The following NUDT3 variants were observed in gnomAD, a reference collection of about 807,000 sequenced individuals.
NUDT3 encodes nudix hydrolase 3.
A neutral mutation model predicts 23.6 loss-of-function variants in NUDT3; 9 were observed. The ratio of observed to expected loss-of-function variants is 0.38; its 90% CI spans 0.23 to 0.66. NUDT3 has a LOEUF of 0.66. Ranked by LOEUF, NUDT3 falls within the 30% of genes least tolerant of loss-of-function variation. The pLI is 0.52. For missense variants in NUDT3, 172 were observed against 218.5 expected (o/e 0.79, Z 1.34); for synonymous variants, 86 against 82.6 (o/e 1.04, Z -0.22).
rs986375483 is a variant in NUDT3, at chr6:34,371,967, C to G, written c.99+20297G>C. On this transcript the variant is annotated intron_variant, in intron 1 of 4. Coordinates refer to ENST00000607016, the MANE Select transcript of NUDT3 (RefSeq NM_006703.4). The stretch of plus-strand genomic sequence containing the variant: ...GTCCAAGTGTTCTTATTGTTCAATT[C>G]CCACCTATAAGTGAGAACACGCAGT... Among the ~76,000 whole-genome samples the G allele has an allele frequency of 3.3e-5, 5 of 152,168 alleles. No individual in the cohort carries two copies. In the South Asian group the frequency reaches 1.0e-3, roughly 32 times the overall value.
At position 34,288,812 on chromosome 6, in the gene NUDT3, G is replaced by T. The variant is rs1027840233; in HGVS notation, c.460C>A (p.Pro154Thr). The change falls in exon 5 of 5, where the codon CCA (proline) becomes ACA (threonine). Residue 154 changes from proline to threonine, a missense_variant. Transcript: ENST00000607016. ...RQGYSANNGT[P>T]VVATTYSVSA... is the part of the protein sequence containing the mutation. ...ACCGAGTATGTGGTGGCCACGACTG[G>T]GGTGCCATTGTTGGCTGAGTAGCCT... 3.1e-6 allele frequency: 5 copies of T among 1,613,914 alleles called. No individual in the cohort carries two copies. In the African/African-American group the frequency reaches 6.7e-5, roughly 22 times the overall value.
chr6:34,375,596 TG>T (rs1443802077), intron 1 of NUDT3, among the ~76,000 whole-genome samples: 2 of 152,210 alleles, frequency 1.3e-5, no homozygotes, highest in Non-Finnish European at 2.9e-5. Flanking sequence ...GTATATTGAT[TG>T]GAAGAGTAAA....
intron 1 of NUDT3, 106 bp downstream of exon 1, chr6:34,392,158 G>A: frequency 4.0e-6 from 3 of 747,050 alleles, no homozygotes; most frequent in South Asian, 1.9e-5. Flanking sequence ...TTCCGCCCGA[G>A]CGGGGCGGCC....
At chr6:34,305,006 A>G (rs147219441) in intron 2 of NUDT3, among the ~76,000 whole-genome samples, 12,288 of 114,706 alleles carry the variant, frequency 0.11, 707 homozygotes, top group Middle Eastern at 0.15. Context: ...TTTTTGAGAC[A>G]GAGTCTTGCT....
intron 1 of NUDT3, among the ~76,000 whole-genome samples, chr6:34,358,344 A>G (rs537804232): frequency 1.3e-5 from 2 of 152,206 alleles, no homozygotes; most frequent in South Asian, 4.1e-4. Flanking sequence ...AATTTACAAT[A>G]ATCGACAGGA....
intron 2 of NUDT3, among the ~76,000 whole-genome samples, chr6:34,316,815 C>A (rs540681737): frequency 6.6e-6 from 1 of 152,114 alleles, no homozygotes; most frequent in Non-Finnish European, 1.5e-5. Flanking sequence ...CAGAGGGAGA[C>A]AGATCATAGG....
At chr6:34,305,570 G>T (rs1056755083) in intron 2 of NUDT3, among the ~76,000 whole-genome samples, 2 of 151,888 alleles carry the variant, frequency 1.3e-5, no homozygotes, top group African/African-American at 4.8e-5. Context: ...TGTTATTTCT[G>T]TCCCTTTACT....
intron 1 of NUDT3, among the ~76,000 whole-genome samples, chr6:34,370,407 C>T (rs1202025267): frequency 6.6e-6 from 1 of 152,210 alleles, no homozygotes; most frequent in African/African-American, 2.4e-5. Flanking sequence ...GATACAACTT[C>T]AGCGTTCAAG....
chr6:34,308,595 G>C (rs1763721082), intron 2 of NUDT3, among the ~76,000 whole-genome samples: 1 of 152,028 alleles, frequency 6.6e-6, no homozygotes, highest in Non-Finnish European at 1.5e-5. Flanking sequence ...AAGGGATGGA[G>C]AGTGATACAT....
At chr6:34,324,846 G>A (rs1200327540) in intron 2 of NUDT3, among the ~76,000 whole-genome samples, 1 of 151,262 alleles carries the variant, frequency 6.6e-6, no homozygotes, top group Non-Finnish European at 1.5e-5. Flanking sequence ...TCAGAGCAGA[G>A]ACGCTTCTCT....
intron 2 of NUDT3, among the ~76,000 whole-genome samples, chr6:34,320,010 T>C (rs990443893): frequency 2.0e-5 from 3 of 152,130 alleles, no homozygotes; most frequent in African/African-American, 7.2e-5. Flanking sequence ...TATATATGTG[T>C]CAATATCACA....
At chr6:34,332,142 T>C (rs977356464) in intron 2 of NUDT3, among the ~76,000 whole-genome samples, 1 of 152,170 alleles carries the variant, frequency 6.6e-6, no homozygotes, top group African/African-American at 2.4e-5. Context: ...CCGGTGGGTA[T>C]ATAATTTTTG....
chr6:34,297,749 ATATATATATAATTTTTT>A (rs1763531785), intron 2 of NUDT3, among the ~76,000 whole-genome samples: 1 of 103,354 alleles, frequency 9.7e-6, no homozygotes, highest in African/African-American at 4.3e-5. Context: ...ATATATATAT[ATATATATATAATTTTTT>A]TTTTTTTTTT....
intron 1 of NUDT3, among the ~76,000 whole-genome samples, chr6:34,342,300 A>G (rs1431553747): frequency 6.7e-6 from 1 of 150,138 alleles, no homozygotes. Context: ...AAAAAAAAAA[A>G]AAAAAAAAAA....
At chr6:34,310,641 A>G (rs976473890) in intron 2 of NUDT3, among the ~76,000 whole-genome samples, 1 of 152,172 alleles carries the variant, frequency 6.6e-6, no homozygotes, top group African/African-American at 2.4e-5. Flanking sequence ...AAAAAATTAC[A>G]CCAATTCTCT....
intron 2 of NUDT3, among the ~76,000 whole-genome samples, chr6:34,300,138 C>A (rs576104508): frequency 6.6e-6 from 1 of 152,014 alleles, no homozygotes; most frequent in African/African-American, 2.4e-5. Context: ...GGGCTGGATC[C>A]GATCTTGCTC....
intron 1 of NUDT3, among the ~76,000 whole-genome samples, chr6:34,388,377 T>C (rs1765143816): frequency 6.6e-6 from 1 of 152,228 alleles, no homozygotes; most frequent in Admixed American, 6.6e-5. Context: ...CTTATATTAC[T>C]ACTGTATTAA....
At chr6:34,376,154 C>T (rs780200956) in intron 1 of NUDT3, among the ~76,000 whole-genome samples, 3 of 152,222 alleles carry the variant, frequency 2.0e-5, no homozygotes, top group Non-Finnish European at 2.9e-5. Flanking sequence ...GTTCCATCTT[C>T]TCTCCGAAAC....
chr6:34,307,841 G>A (rs1014758773), intron 2 of NUDT3, among the ~76,000 whole-genome samples: 2 of 151,704 alleles, frequency 1.3e-5, no homozygotes, highest in African/African-American at 4.8e-5. Context: ...AGACAGGGTT[G>A]GGTGCAGGGG....
Sources: gnomAD v4.1 joint callset for allele counts (sites outside exome capture counted in the v4.1 genomes callset) on GRCh38, gnomAD v4.1.1 for gene constraint, MANE v1.5 for transcripts, NCBI Gene and HGNC (gene_info 2026-07-23, HGNC 2026-07-21) for gene names.